SLC25A21: variants seen among roughly 807,000 people sequenced by gnomAD.
SLC25A21 encodes the protein mitochondrial 2-oxodicarboxylate carrier.
A neutral mutation model predicts 43.8 loss-of-function variants in SLC25A21; 47 were observed. The ratio of observed to expected loss-of-function variants is 1.07; its 90% CI spans 0.85 to 1.37. SLC25A21 has a LOEUF of 1.37. SLC25A21 is among the 40% of genes most tolerant of loss of function. The pLI, the probability that SLC25A21 is intolerant of heterozygous loss-of-function variation, is 0.00. For synonymous variants in SLC25A21, 131 were observed against 121.3 expected (o/e 1.08, Z -0.52); for missense variants, 352 against 350.2 (o/e 1.00, Z -0.04).
At chr14:36,696,067 T>C (rs1883009834) in intron 7 of SLC25A21, among the ~76,000 whole-genome samples, 3 of 152,172 alleles carry the variant, frequency 2.0e-5, no homozygotes, top group African/African-American at 7.2e-5. Flanking sequence ...TTCTTATTAT[T>C]TTGAGATACA....
intron 3 of SLC25A21, among the ~76,000 whole-genome samples, chr14:36,739,008 A>G (rs1013149196): frequency 1.3e-5 from 2 of 152,218 alleles, no homozygotes; most frequent in Admixed American, 1.3e-4. Flanking sequence ...AATGCCAAAT[A>G]AGATATAGCA....
chr14:36,708,834 T>G (rs1047982154), intron 7 of SLC25A21, among the ~76,000 whole-genome samples: 3 of 146,890 alleles, frequency 2.0e-5, no homozygotes, highest in African/African-American at 7.5e-5. Flanking sequence ...TCCTCCTGAC[T>G]CAGCCTCCCG....
intron 1 of SLC25A21, among the ~76,000 whole-genome samples, chr14:36,877,204 A>C (rs945062157): frequency 5.3e-5 from 8 of 152,224 alleles, no homozygotes; most frequent in Middle Eastern, 6.8e-3. Context: ...AGAAGCAAAA[A>C]ACACACACCA....
At chr14:37,046,950 A>G (rs1961599765) in intron 1 of SLC25A21, among the ~76,000 whole-genome samples, 1 of 152,212 alleles carries the variant, frequency 6.6e-6, no homozygotes, top group African/African-American at 2.4e-5. Flanking sequence ...AAACAGGACA[A>G]TGGCATCCGG....
chr14:36,993,465 C>T (rs1403484806), intron 1 of SLC25A21, among the ~76,000 whole-genome samples: 1 of 152,086 alleles, frequency 6.6e-6, no homozygotes, highest in Admixed American at 6.6e-5. Flanking sequence ...ATACAAATCC[C>T]TCAGGTCTCA....
At chr14:37,085,120 A>G (rs1240572694) in intron 1 of SLC25A21, among the ~76,000 whole-genome samples, 1 of 152,046 alleles carries the variant, frequency 6.6e-6, no homozygotes, top group Non-Finnish European at 1.5e-5. Context: ...TATTTATCCT[A>G]TGTGTCAAAA....
At chr14:36,870,003 T>G (rs938063247) in intron 2 of SLC25A21, among the ~76,000 whole-genome samples, 4 of 152,140 alleles carry the variant, frequency 2.6e-5, no homozygotes, top group Non-Finnish European at 5.9e-5. Flanking sequence ...CAATTAACAA[T>G]AGCCTTATAG....
In SLC25A21 at chr14:36,809,896, C is replaced by T. The variant is rs151074431; in HGVS notation, c.203+4022G>A. Among the ~76,000 whole-genome samples, 70 of 152,238 alleles carry T rather than the reference C, an allele frequency of 4.6e-4. No homozygotes were observed. In the East Asian group the frequency reaches 8.1e-3, roughly 18 times the overall value. ...TGAGTAGGAAAGACATCTTTGAAAA[C>T]GGAGTGACTCTAAAAACTAAATAAG... On this transcript the variant is annotated intron_variant, in intron 3 of 9. Transcript: ENST00000331299.
intron 1 of SLC25A21, among the ~76,000 whole-genome samples, chr14:37,047,153 G>A (rs77362172): frequency 0.044 from 6,688 of 152,168 alleles, 473 homozygotes; most frequent in African/African-American, 0.15. Context: ...GAGAGACATG[G>A]GGCTAAGGAA....
At chr14:36,696,191 T>C (rs892859873) in intron 7 of SLC25A21, among the ~76,000 whole-genome samples, 1 of 152,214 alleles carries the variant, frequency 6.6e-6, no homozygotes, top group African/African-American at 2.4e-5. Context: ...ATTAGTTCTG[T>C]TTATGTGATG....
chr14:36,738,564 C>T (rs1470935784), intron 3 of SLC25A21, among the ~76,000 whole-genome samples: 12 of 152,218 alleles, frequency 7.9e-5, no homozygotes, highest in Admixed American at 7.9e-4. Flanking sequence ...ACAGTGAAGG[C>T]ATTCTTCTCT....
intron 7 of SLC25A21, among the ~76,000 whole-genome samples, chr14:36,706,053 A>T (rs1041022638): frequency 1.3e-5 from 2 of 152,242 alleles, no homozygotes; most frequent in Non-Finnish European, 1.5e-5. Flanking sequence ...CCAGTTTTGA[A>T]TCAGGCTTAG....
intron 1 of SLC25A21, among the ~76,000 whole-genome samples, chr14:36,949,206 C>T (rs1892745435): frequency 6.6e-6 from 1 of 152,188 alleles, no homozygotes; most frequent in Non-Finnish European, 1.5e-5. Context: ...ACATTCCTTT[C>T]AAAACCCTCT....
intron 1 of SLC25A21, among the ~76,000 whole-genome samples, chr14:36,953,928 C>T (rs1959257732): frequency 6.6e-6 from 1 of 152,154 alleles, no homozygotes; most frequent in African/African-American, 2.4e-5. Context: ...GCTTGGTTTT[C>T]CAACTGCCTA....
At chr14:37,012,205 C>T (rs931185853) in intron 1 of SLC25A21, among the ~76,000 whole-genome samples, 3 of 152,068 alleles carry the variant, frequency 2.0e-5, no homozygotes, top group Non-Finnish European at 2.9e-5. Flanking sequence ...TGTATATCAC[C>T]GCTGAAATTA....
intron 1 of SLC25A21, among the ~76,000 whole-genome samples, chr14:36,993,840 C>A (rs553470433): frequency 1.3e-5 from 2 of 152,094 alleles, no homozygotes; most frequent in Non-Finnish European, 2.9e-5. Context: ...ACTTGACAAT[C>A]CTTCACCTAA....
At chr14:36,916,393 A>AT (rs1306794532) in intron 1 of SLC25A21, among the ~76,000 whole-genome samples, 1 of 152,090 alleles carries the variant, frequency 6.6e-6, no homozygotes, top group African/African-American at 2.4e-5. Flanking sequence ...TCTATTCCTC[A>AT]TTTTTTCTCA....
At chr14:37,075,796 C>G (rs1037176655) in intron 1 of SLC25A21, among the ~76,000 whole-genome samples, 1 of 152,202 alleles carries the variant, frequency 6.6e-6, no homozygotes, top group Non-Finnish European at 1.5e-5. Flanking sequence ...TAATAACAGA[C>G]AGATGATGGT....
chr14:36,779,281 T>TTA (rs1465518781), intron 3 of SLC25A21, among the ~76,000 whole-genome samples: 1 of 146,238 alleles, frequency 6.8e-6, no homozygotes, highest in Non-Finnish European at 1.5e-5. Flanking sequence ...ATAAGAATTC[T>TTA]TATATATCAT....
Sources: allele counts gnomAD v4.1 joint callset (sites outside exome capture counted in the v4.1 genomes callset), GRCh38; gene constraint gnomAD v4.1.1; transcripts MANE v1.5; gene names NCBI Gene and HGNC (gene_info 2026-07-23, HGNC 2026-07-21).